DUSP19: variants seen among roughly 807,000 people sequenced by gnomAD.
DUSP19 encodes the protein dual specificity protein phosphatase 19.
A neutral mutation model predicts 16.6 loss-of-function variants in DUSP19; 14 were observed. That is an observed-to-expected ratio of 0.84 (90% CI 0.56 to 1.32). The LOEUF is 1.32. DUSP19 is among the 40% of genes most tolerant of loss of function. DUSP19 has a pLI of 0.00. For synonymous variants in DUSP19, 81 were observed against 90.5 expected, an observed-to-expected ratio of 0.90 and a Z score of 0.59; for missense variants, 258 against 255.9, an observed-to-expected ratio of 1.01 and a Z score of -0.06.
chr2:183,095,359 A>T (rs1484869049), intron 3 of DUSP19, 72 bp from the exon 4 acceptor site: 1 of 1,213,180 alleles, frequency 8.2e-7, no homozygotes, highest in Non-Finnish European at 1.2e-6. Context: ...AAGTAGTATA[A>T]GAATGTGCAA....
At chr2:183,087,257 A>T in intron 3 of DUSP19, 65 bp downstream of exon 3, 1 of 1,397,090 alleles carries the variant, frequency 7.2e-7, no homozygotes, top group Non-Finnish European at 9.6e-7. Flanking sequence ...TCCATTACCC[A>T]ATCTTTATTA....
intron 3 of DUSP19, 86 bp downstream of exon 3, chr2:183,087,278 G>C (rs1699674913): frequency 7.9e-7 from 1 of 1,273,502 alleles, no homozygotes; most frequent in African/African-American, 1.5e-5. Context: ...TTTTTATAAT[G>C]AATCTCTAAA....
chr2:183,083,338 C>T (rs766994535), intron 1 of DUSP19, 170 bp from the exon 2 acceptor site: 2 of 547,026 alleles, frequency 3.7e-6, no homozygotes, highest in Non-Finnish European at 6.4e-6. Context: ...TTTCAGAGTC[C>T]AGGAGTTTAT....
At position 183,087,068 on chromosome 2, in the gene DUSP19, G is replaced by A. The variant is rs368865344; in HGVS notation, c.302G>A (p.Gly101Glu). Reference protein sequence around the residue: ...KVTHILNVAYGVENAFLSDFT... With the variant: ...KVTHILNVAYEVENAFLSDFT... The stretch of plus-strand genomic sequence containing the variant: ...ACTCATATTCTTAATGTTGCATATG[G>A]AGTTGAAAATGCTTTCCTCAGTGAC... The change falls in exon 3 of 4, where the codon GGA (glycine) becomes GAA (glutamate). Residue 101 changes from glycine to glutamate, a missense_variant. Transcript: ENST00000354221. The A allele has an allele frequency of 1.8e-4, 298 of 1,612,110 alleles. No individual in the cohort carries two copies. The highest frequency in any genetic ancestry group is 6.6e-4 in the South Asian group (60 of 90,788).
intron 3 of DUSP19, among the ~76,000 whole-genome samples, chr2:183,089,763 C>G (rs1699708760): frequency 6.6e-6 from 1 of 152,204 alleles, no homozygotes; most frequent in Non-Finnish European, 1.5e-5. Context: ...TCTACCCTCT[C>G]AAGCCTTGTG....
chr2:183,087,246 A>G, intron 3 of DUSP19, 54 bp downstream of exon 3: 1 of 1,490,344 alleles, frequency 6.7e-7, no homozygotes, highest in Non-Finnish European at 9.1e-7. Context: ...GAAAGTGTGG[A>G]TCCATTACCC....
intron 3 of DUSP19, among the ~76,000 whole-genome samples, chr2:183,093,612 A>G (rs1001692656): frequency 6.6e-6 from 1 of 152,252 alleles, no homozygotes; most frequent in African/African-American, 2.4e-5. Context: ...AGGAATAATC[A>G]AAAGTAGAAA....
Position 183,095,776 on chromosome 2 carries a change from G to A in DUSP19, c.*118G>A, listed in dbSNP as rs1205430513. On this transcript the variant is annotated 3_prime_UTR_variant, in exon 4 of 4. Coordinates refer to ENST00000354221, the MANE Select transcript of DUSP19 (RefSeq NM_080876.4). ...CCCTTTTTTCTCTTGCCTTTTTTAT[G>A]CATAAATGGAGGTCAATTTGATTGT... 10 of 703,780 alleles carry A rather than the reference G, an allele frequency of 1.4e-5. No individual in the cohort carries two copies. The highest frequency in any genetic ancestry group is 2.3e-5 in the Non-Finnish European group (10 of 434,498). The allele number at this position is 703,780 out of a possible 1,614,324, so 43.6% of individuals were successfully genotyped here.
intron 1 of DUSP19, among the ~76,000 whole-genome samples, 178 bp downstream of exon 1, chr2:183,079,337 G>A (rs2105493980): frequency 6.6e-6 from 1 of 152,200 alleles, no homozygotes; most frequent in East Asian, 1.9e-4. Context: ...GCCTCACAGT[G>A]TACCCATAAG....
At chr2:183,079,265 A>C in intron 1 of DUSP19, 106 bp downstream of exon 1, 1 of 1,137,978 alleles carries the variant, frequency 8.8e-7, no homozygotes, top group Non-Finnish European at 1.2e-6. Flanking sequence ...TATCCTGCCG[A>C]AAAGCTGAAC....
At chr2:183,085,847 G>GT (rs71008261) in intron 2 of DUSP19, among the ~76,000 whole-genome samples, 4,413 of 50,848 alleles carry the variant, frequency 0.087, 1,600 homozygotes, top group East Asian at 0.23. Flanking sequence ...AGGTTGTTAG[G>GT]TTTTTTTTTT....
At chr2:183,092,342 T>G (rs1317745235) in intron 3 of DUSP19, among the ~76,000 whole-genome samples, 2 of 152,120 alleles carry the variant, frequency 1.3e-5, no homozygotes, top group African/African-American at 4.8e-5. Context: ...GACCTAGGTA[T>G]TAAGCCCAGC....
intron 2 of DUSP19, among the ~76,000 whole-genome samples, chr2:183,084,683 C>T (rs1250079186): frequency 6.6e-6 from 1 of 152,108 alleles, no homozygotes; most frequent in East Asian, 1.9e-4. Context: ...AGAAGTTACC[C>T]AGAGATGTAA....
Position 183,085,783 on chromosome 2 carries a change from C to T in DUSP19, c.274-1257C>T, listed in dbSNP as rs78259176. Among the ~76,000 whole-genome samples, 66 of 144,922 alleles carry T rather than the reference C, an allele frequency of 4.6e-4. 2 individuals are homozygous for T. The East Asian group carries it at 0.012, about 26-fold the overall frequency. Reference sequence around the variant, plus strand: ...TGGAATGAGCCTTATCGAAGATGCACGAGCACATCCTTCATTGTAATCAGA... The same window carrying T: ...TGGAATGAGCCTTATCGAAGATGCATGAGCACATCCTTCATTGTAATCAGA... On this transcript the variant is annotated intron_variant, in intron 2 of 3. Transcript: ENST00000354221.
In DUSP19 at chr2:183,083,498, T is replaced by G; in HGVS notation, c.227-10T>G. 6.2e-7 allele frequency: 1 copy of G among 1,601,804 alleles called. No individual in the cohort carries two copies. The highest frequency in any genetic ancestry group is 8.5e-7 in the Non-Finnish European group (1 of 1,174,568). On this transcript the variant is annotated splice_polypyrimidine_tract_variant and intron_variant, in intron 1 of 3. Transcript: ENST00000354221. ...TTTGTGTTCAAGGTGGTATCATTTA[T>G]TTCTTCTAGGGTCACAAGATGCTGC...
chr2:183,096,809 G>T lies in DUSP19; in HGVS notation c.*1151G>T, dbSNP rs967337594. On this transcript the variant is annotated 3_prime_UTR_variant, in exon 4 of 4. Coordinates refer to ENST00000354221, the MANE Select transcript of DUSP19 (RefSeq NM_080876.4). ...AGAGAACATATTTTTTAGGGGAGAA[G>T]GGTTATGGTTTTGTAAGAAACTTTA... is the stretch of plus-strand genomic sequence containing the variant. 7 of 152,302 alleles carry T rather than the reference G, an allele frequency of 4.6e-5. No individual in the cohort carries two copies. Among genetic ancestry groups the T allele is most frequent in the Admixed American group, 2.6e-4 (4 of 15,262 alleles). The allele number at this position is 152,302 out of a possible 1,614,324, so 9.4% of individuals were successfully genotyped here.
intron 3 of DUSP19, among the ~76,000 whole-genome samples, chr2:183,094,988 T>C (rs1353481647): frequency 1.3e-5 from 2 of 152,350 alleles, no homozygotes; most frequent in Non-Finnish European, 2.9e-5. Flanking sequence ...TTGTTAGGTT[T>C]TATGTGTACT....
In DUSP19 at chr2:183,090,981, A is replaced by C. The variant is rs558223384; in HGVS notation, c.426+3789A>C. 1.8e-4 allele frequency among the ~76,000 whole-genome samples: 28 copies of C among 152,272 alleles called. 1 individual carries two copies. In the South Asian group the frequency reaches 5.6e-3, roughly 30 times the overall value. The stretch of plus-strand genomic sequence containing the variant: ...CTGGGCGGCCACTTTGGTCCTGGGT[A>C]CTGATATTTGCACTTCTTGGTCCTC... On this transcript the variant is annotated intron_variant, in intron 3 of 3. Coordinates refer to ENST00000354221, the MANE Select transcript of DUSP19 (RefSeq NM_080876.4).
At chr2:183,095,152 A>G (rs892813845) in intron 3 of DUSP19, among the ~76,000 whole-genome samples, 1 of 152,192 alleles carries the variant, frequency 6.6e-6, no homozygotes, top group Non-Finnish European at 1.5e-5. Context: ...GGATTACTTT[A>G]GTTTAATGAA....
Sources: allele counts gnomAD v4.1 joint callset (sites outside exome capture counted in the v4.1 genomes callset), GRCh38; gene constraint gnomAD v4.1.1; transcripts MANE v1.5; gene names NCBI Gene and HGNC (gene_info 2026-07-23, HGNC 2026-07-21).